The following TJP2 variants were observed in gnomAD, a reference collection of about 807,000 sequenced individuals.
The protein encoded by TJP2 is Friedreich ataxia region gene X104 (tight junction protein ZO-2).
A neutral mutation model predicts 133.1 loss-of-function variants in TJP2; 91 were observed. The observed-to-expected ratio is 0.68, with a 90% confidence interval of 0.58 to 0.81. The LOEUF (loss-of-function observed/expected upper bound fraction) is 0.81, where lower values mean the gene tolerates loss of function less well. Ranked by LOEUF, TJP2 falls within the 40% of genes least tolerant of loss-of-function variation. The pLI is 0.00. For synonymous variants in TJP2, 592 were observed against 583.4 expected (o/e 1.01, Z -0.21); for missense variants, 1,541 against 1,565.6 (o/e 0.98, Z 0.26).
At chr9:69,155,838 C>T (rs4339703) in intron 2 of TJP2, among the ~76,000 whole-genome samples, 58,498 of 152,028 alleles carry the variant, frequency 0.38, 11,441 homozygotes, top group African/African-American at 0.41. Flanking sequence ...GAAGCAGTGA[C>T]TAAGTCAGGG....
intron 3 of TJP2, 115 bp from the exon 4 acceptor site, chr9:69,218,142 G>A: frequency 1.2e-6 from 1 of 862,766 alleles, no homozygotes; most frequent in South Asian, 1.4e-5. Context: ...ACTAGACACT[G>A]AGCCCTTTAG....
intron 1 of TJP2, among the ~76,000 whole-genome samples, chr9:69,132,992 C>G (rs1384446085): frequency 6.6e-6 from 1 of 152,066 alleles, no homozygotes; most frequent in Non-Finnish European, 1.5e-5. Flanking sequence ...GATAGGGTCT[C>G]ACTGTGTTGC....
intron 1 of TJP2, among the ~76,000 whole-genome samples, chr9:69,181,351 C>T (rs533705758): frequency 1.4e-5 from 2 of 144,304 alleles, no homozygotes; most frequent in Non-Finnish European, 3.0e-5. Context: ...TAGGTTCAAG[C>T]GATTCTCCTG....
chr9:69,238,102 G>A (rs780252355), intron 15 of TJP2, 129 bp downstream of exon 15: 2 of 710,956 alleles, frequency 2.8e-6, no homozygotes, highest in Non-Finnish European at 5.1e-6. Context: ...ATTTTGTCAC[G>A]CATTTTCTCT....
intron 1 of TJP2, among the ~76,000 whole-genome samples, chr9:69,128,847 T>C (rs1822366273): frequency 6.6e-6 from 1 of 152,202 alleles, no homozygotes; most frequent in African/African-American, 2.4e-5. Context: ...ATTCCTGGAC[T>C]TTTTTCTTGA....
At chr9:69,207,932 CAG>C (rs1467248499) in intron 1 of TJP2, among the ~76,000 whole-genome samples, 2 of 152,192 alleles carry the variant, frequency 1.3e-5, no homozygotes, top group Non-Finnish European at 2.9e-5. Flanking sequence ...GAAAGACACT[CAG>C]TAGTTTGCTC....
chr9:69,161,650 G>A (rs1824080570), intron 2 of TJP2, among the ~76,000 whole-genome samples: 1 of 151,972 alleles, frequency 6.6e-6, no homozygotes, highest in Non-Finnish European at 1.5e-5. Context: ...GGTAACATGA[G>A]CTGAGCACTA....
chr9:69,140,437 C>G (rs1676759730), intron 1 of TJP2, among the ~76,000 whole-genome samples: 1 of 152,278 alleles, frequency 6.6e-6, no homozygotes, highest in South Asian at 2.1e-4. Context: ...GTGTGGCCCC[C>G]CAATTCATGC....
Position 69,229,077 on chromosome 9 carries a change from C to T in TJP2, c.1454-107C>T, listed in dbSNP as rs913303640. ...AGAGACTTCTTTTTGTTTGTGGTGA[C>T]ATATGTGGCATAGACTTACATTTTT... On this transcript the variant is annotated intron_variant, in intron 9 of 22. Transcript: ENST00000377245. The T allele has an allele frequency of 3.0e-6, 3 of 994,304 alleles. No individual in the cohort carries two copies. In the African/African-American group the frequency reaches 4.8e-5, roughly 16 times the overall value. 61.6% of individuals were successfully genotyped at this position (994,304 alleles called of 1,614,324 possible).
rs12350948 is a variant in TJP2, at chr9:69,207,071, T to C, written c.61-5477T>C. ...GCCTCCTGCCCAGGTCACCTCATCC[T>C]GAATGTTATGTTTTTCATTTCCTTG... On this transcript the variant is annotated intron_variant, in intron 1 of 22. Transcript: ENST00000377245. 9.5e-3 allele frequency among the ~76,000 whole-genome samples: 1,444 copies of C among 152,234 alleles called. 30 individuals carry two copies. The highest frequency in any genetic ancestry group is 0.032 in the African/African-American group (1,332 of 41,528).
chr9:69,206,852 C>T (rs1827462426), intron 1 of TJP2, among the ~76,000 whole-genome samples: 1 of 152,166 alleles, frequency 6.6e-6, no homozygotes, highest in Non-Finnish European at 1.5e-5. Context: ...GCTGGGATTA[C>T]AGGCGCGAGC....
exon 2 of TJP2, chr9:69,151,668 T>C: frequency 8.1e-7 from 1 of 1,232,070 alleles, no homozygotes; most frequent in Non-Finnish European, 1.0e-6. Flanking sequence ...AGTACCACAT[T>C]ACTGTCATCT....
intron 1 of TJP2, among the ~76,000 whole-genome samples, chr9:69,208,230 A>AT (rs1352187757): frequency 6.6e-6 from 1 of 152,118 alleles, no homozygotes; most frequent in African/African-American, 2.4e-5. Context: ...TACAATTAAG[A>AT]TTTTCTCTTT....
rs1401265707 is a variant in TJP2 at position 69,249,284 on chromosome 9, C to T, written c.2881-91C>T. On this transcript the variant is annotated intron_variant, in intron 19 of 22. Coordinates refer to ENST00000377245, the MANE Select transcript of TJP2 (RefSeq NM_004817.4). ...CTCAGAACCTCAACTTCTGGACTTA[C>T]TCAAGTTTGCAGAACTCCTCCAAAG... 7.8e-6 allele frequency: 12 copies of T among 1,543,188 alleles called. No individual in the cohort carries two copies. In the South Asian group the frequency reaches 1.2e-4, roughly 15 times the overall value.
At chr9:69,193,222 G>A (rs944197852) in intron 1 of TJP2, among the ~76,000 whole-genome samples, 50 of 152,006 alleles carry the variant, frequency 3.3e-4, no homozygotes, top group African/African-American at 1.1e-3. Context: ...GGCTTTTATT[G>A]TAATTTTTAA....
chr9:69,245,837 A>G (rs527516148), intron 17 of TJP2, among the ~76,000 whole-genome samples: 2 of 152,312 alleles, frequency 1.3e-5, no homozygotes, highest in African/African-American at 4.8e-5. Context: ...TGAGTAGAAA[A>G]TGTATATTCT....
intron 1 of TJP2, among the ~76,000 whole-genome samples, chr9:69,136,092 G>A (rs536958790): frequency 2.4e-4 from 36 of 152,056 alleles, no homozygotes; most frequent in Non-Finnish European, 3.8e-4. Flanking sequence ...ATTTCTTGAT[G>A]TCAATTCAAA....
intron 1 of TJP2, among the ~76,000 whole-genome samples, chr9:69,202,348 T>C (rs1827054659): frequency 6.6e-6 from 1 of 152,160 alleles, no homozygotes; most frequent in Non-Finnish European, 1.5e-5. Context: ...CCCTTAACAC[T>C]TACTGTATTG....
At chr9:69,160,502 G>T (rs1377979441) in intron 2 of TJP2, among the ~76,000 whole-genome samples, 1 of 152,188 alleles carries the variant, frequency 6.6e-6, no homozygotes, top group Non-Finnish European at 1.5e-5. Context: ...GAAAAGTTTA[G>T]CTGGATGTAG....
Sources: gnomAD v4.1 joint callset for allele counts (sites outside exome capture counted in the v4.1 genomes callset) on GRCh38, gnomAD v4.1.1 for gene constraint, MANE v1.5 for transcripts, NCBI Gene and HGNC (gene_info 2026-07-23, HGNC 2026-07-21) for gene names.